CDC42BPB: variants seen among roughly 807,000 people sequenced by gnomAD.
CDC42BPB encodes CDC42 binding protein kinase beta.
A neutral mutation model predicts 214.9 loss-of-function variants in CDC42BPB; 37 were observed. The ratio of observed to expected loss-of-function variants is 0.17; its 90% CI spans 0.13 to 0.23. CDC42BPB has a LOEUF of 0.23. Ranked by LOEUF, CDC42BPB falls within the 10% of genes least tolerant of loss-of-function variation. CDC42BPB has a pLI of 1.00. For missense variants in CDC42BPB, 1,694 were observed against 2,227.0 expected (o/e 0.76, Z 4.82); for synonymous variants, 931 against 884.0 (o/e 1.05, Z -0.94).
At position 102,971,932 on chromosome 14, in the gene CDC42BPB, TTCTCAGCTC is replaced by T. The variant is rs769564008; in HGVS notation, c.1862_1870del (p.Arg621_Glu623del). 6.2e-7 allele frequency: 1 copy of T among 1,614,076 alleles called. No homozygotes were observed. Among genetic ancestry groups the T allele is most frequent in the Non-Finnish European group, 8.5e-7 (1 of 1,180,028 alleles). On this transcript the variant is annotated inframe_deletion, in exon 13 of 37. Coordinates refer to ENST00000361246, the MANE Select transcript of CDC42BPB (RefSeq NM_006035.4). Reference sequence around the variant, plus strand: ...CTCCACAGCTACCTCTTTCCTGAGCTTCTCAGCTCTCCGCATTTCCTGCCGCATGGCGTC... The same window carrying T: ...CTCCACAGCTACCTCTTTCCTGAGCTTCCGCATTTCCTGCCGCATGGCGTC...
chr14:103,037,717 G>A (rs1887743000), intron 1 of CDC42BPB, among the ~76,000 whole-genome samples: 2 of 152,112 alleles, frequency 1.3e-5, no homozygotes, highest in South Asian at 4.2e-4. Flanking sequence ...TGGCTCAAGA[G>A]ATATGTGGAG....
intron 3 of CDC42BPB, among the ~76,000 whole-genome samples, chr14:103,006,015 C>CAAAAAAAAAA (rs1172933917): frequency 1.7e-5 from 1 of 58,136 alleles, no homozygotes; most frequent in African/African-American, 5.5e-5. Context: ...AGAGACGTCT[C>CAAAAAAAAAA]AAAAAAAAAA....
At chr14:102,997,372 C>T (rs1463536787) in intron 5 of CDC42BPB, among the ~76,000 whole-genome samples, 2 of 152,146 alleles carry the variant, frequency 1.3e-5, no homozygotes, top group Non-Finnish European at 2.9e-5. Flanking sequence ...CTCTCATATA[C>T]CCCCCTTCCA....
intron 3 of CDC42BPB, among the ~76,000 whole-genome samples, chr14:103,005,776 C>T (rs1354902304): frequency 1.3e-5 from 2 of 152,146 alleles, no homozygotes; most frequent in African/African-American, 4.8e-5. Context: ...AATCCCAGCA[C>T]TTTGGGAGGC....
intron 12 of CDC42BPB, 37 bp downstream of exon 12, chr14:102,973,979 C>G (rs1361639979): frequency 1.9e-6 from 3 of 1,578,996 alleles, no homozygotes; most frequent in Admixed American, 3.9e-5. Context: ...TCTGCAAAGT[C>G]CCGTAAGCCT....
At chr14:102,963,012 G>T in intron 20 of CDC42BPB, 49 bp downstream of exon 20, 1 of 887,600 alleles carries the variant, frequency 1.1e-6, no homozygotes, top group South Asian at 1.5e-5. Context: ...ACATTCATTT[G>T]AAAAATACTT....
At chr14:103,025,527 A>C (rs1887002708) in intron 1 of CDC42BPB, among the ~76,000 whole-genome samples, 1 of 152,052 alleles carries the variant, frequency 6.6e-6, no homozygotes, top group South Asian at 2.1e-4. Flanking sequence ...AAAGAAAAAA[A>C]AAAGGAGGAG....
At chr14:102,959,142 C>A (rs1352661234) in intron 21 of CDC42BPB, among the ~76,000 whole-genome samples, 1 of 151,584 alleles carries the variant, frequency 6.6e-6, no homozygotes, top group Non-Finnish European at 1.5e-5. Context: ...ACTAAAAATA[C>A]AAAAATTAGC....
intron 3 of CDC42BPB, among the ~76,000 whole-genome samples, chr14:103,005,623 T>C (rs1895201688): frequency 1.3e-5 from 2 of 151,892 alleles, no homozygotes; most frequent in Non-Finnish European, 2.9e-5. Flanking sequence ...GGTGGGAGGA[T>C]CGATGAGCCC....
At chr14:102,970,067 T>C (rs1893405891) in intron 14 of CDC42BPB, 84 bp downstream of exon 14, 2 of 1,111,414 alleles carry the variant, frequency 1.8e-6, no homozygotes, top group African/African-American at 1.5e-5. Flanking sequence ...GACCACACAT[T>C]ACACAAGGTG....
chr14:103,000,403 A>C (rs1380260814), intron 4 of CDC42BPB, among the ~76,000 whole-genome samples: 1 of 152,226 alleles, frequency 6.6e-6, no homozygotes, highest in East Asian at 1.9e-4. Context: ...CTCTTGCAGC[A>C]CTCAGAAAGC....
chr14:102,971,410 C>A (rs1189161647), intron 13 of CDC42BPB, among the ~76,000 whole-genome samples: 1 of 152,216 alleles, frequency 6.6e-6, no homozygotes, highest in Non-Finnish European at 1.5e-5. Flanking sequence ...ATCATTCCAA[C>A]AGTGTCGAAT....
rs924022029 is a variant in CDC42BPB at position 103,008,717 on chromosome 14, G to A, written c.268-162C>T. ...TAGCATGTGCCAGTTCCTGCATCAA[G>A]AACCTTTTCTTCACAGAGAAAGGGA... On this transcript the variant is annotated intron_variant, in intron 2 of 36. Transcript: ENST00000361246. 9.1e-6 allele frequency: 9 copies of A among 984,608 alleles called. No individual in the cohort carries two copies. The African/African-American group carries it at 1.6e-4, about 17-fold the overall frequency. The allele number at this position is 984,608 out of a possible 1,614,324, so 61.0% of individuals were successfully genotyped here.
In CDC42BPB at chr14:102,967,121, T is replaced by A. The variant is rs202067243; in HGVS notation, c.2396A>T (p.Asp799Val). The A allele has an allele frequency of 2.6e-5, 42 of 1,614,202 alleles. No homozygotes were observed. The East Asian group carries it at 8.0e-4, about 31-fold the overall frequency. ...CTTGGCTGCCAGATCCTGCAGCTCA[T>A]CCTCCAGCTGTCTATTTTGAGCTGT... is the stretch of plus-strand genomic sequence containing the variant. ...KLTAQNRQLE[D>V]ELQDLAAKKE... The change falls in exon 17 of 37, where the codon GAT (aspartate) becomes GTT (valine). Residue 799 changes from aspartate (D) to valine (V), a missense_variant. Around this residue, in one of 7 missense-constraint regions of CDC42BPB, gnomAD observed 462 missense variants for 513.5 expected, o/e 0.90. Coordinates refer to ENST00000361246, the MANE Select transcript of CDC42BPB (RefSeq NM_006035.4).
intron 1 of CDC42BPB, among the ~76,000 whole-genome samples, chr14:103,045,574 T>C (rs916076681): frequency 2.0e-5 from 3 of 152,160 alleles, no homozygotes; most frequent in Non-Finnish European, 4.4e-5. Flanking sequence ...CACATTCTCA[T>C]AACCCCCTTC....
At chr14:103,020,043 C>G (rs1886681617) in intron 1 of CDC42BPB, among the ~76,000 whole-genome samples, 1 of 152,224 alleles carries the variant, frequency 6.6e-6, no homozygotes, top group Admixed American at 6.5e-5. Flanking sequence ...AGGACGGTGT[C>G]AAGAGCTGAA....
At chr14:103,031,136 C>A (rs74082756) in intron 1 of CDC42BPB, among the ~76,000 whole-genome samples, 7 of 151,518 alleles carry the variant, frequency 4.6e-5, no homozygotes, top group African/African-American at 1.7e-4. Flanking sequence ...ATAAAAACGC[C>A]GGCATGAAGG....
At chr14:103,029,435 G>A (rs1053256158) in intron 1 of CDC42BPB, among the ~76,000 whole-genome samples, 1 of 151,456 alleles carries the variant, frequency 6.6e-6, no homozygotes, top group East Asian at 1.9e-4. Flanking sequence ...CCCAGCTACT[G>A]AGGAGGCTGA....
At chr14:102,949,223 C>T (rs764893388) in intron 26 of CDC42BPB, among the ~76,000 whole-genome samples, 3 of 152,184 alleles carry the variant, frequency 2.0e-5, no homozygotes, top group Non-Finnish European at 4.4e-5. Flanking sequence ...TTCTCACTAA[C>T]AGATGAGCCA....
Sources: allele counts gnomAD v4.1 joint callset (sites outside exome capture counted in the v4.1 genomes callset), GRCh38; gene constraint gnomAD v4.1.1; regional missense constraint gnomAD v4.1.1; transcripts MANE v1.5; gene names NCBI Gene and HGNC (gene_info 2026-07-23, HGNC 2026-07-21).